The following TBC1D4 variants were observed in gnomAD, a reference collection of about 807,000 sequenced individuals.
TBC1D4 encodes the protein TBC1 domain family member 4.
In TBC1D4, 121 loss-of-function variants were observed where a neutral mutation model predicts 142.5. The observed-to-expected ratio is 0.85, with a 90% CI of 0.73 to 0.99. The LOEUF is 0.99. Ranked by LOEUF, TBC1D4 falls within the 50% of genes least tolerant of loss-of-function variation. The probability of loss-of-function intolerance (pLI) is 0.00; values close to 1 mark genes in which losing one functional copy is unlikely to be tolerated. For missense variants in TBC1D4, 1,475 were observed against 1,606.6 expected (o/e 0.92, Z 1.40); for synonymous variants, 630 against 628.2 (o/e 1.00, Z -0.04).
rs1879268323 is a variant in TBC1D4 at position 75,326,423 on chromosome 13, C to A, written c.1807G>T (p.Asp603Tyr). The change falls in exon 10 of 21, where the codon GAC becomes TAC. Residue 603 changes from aspartate (D) to tyrosine (Y), a missense_variant and splice_region_variant. Transcript: ENST00000377636. Reference sequence around the variant, plus strand: ...GGTGGAGAATCCCCTGGTGAGTAGTCCTGAAACACAAGCGGAAGGGAGCCC... The same window carrying A: ...GGTGGAGAATCCCCTGGTGAGTAGTACTGAAACACAAGCGGAAGGGAGCCC... ...ERSNSLASEK[D>Y]YSPGDSPPGT... 5 of 1,613,980 alleles carry A rather than the reference C, an allele frequency of 3.1e-6. No homozygotes were observed. Among genetic ancestry groups the A allele is most frequent in the Admixed American group, 1.7e-5 (1 of 59,996 alleles).
chr13:75,380,169 G>A (rs1193000132), intron 1 of TBC1D4, among the ~76,000 whole-genome samples: 8 of 150,238 alleles, frequency 5.3e-5, no homozygotes, highest in Admixed American at 1.3e-4. Context: ...GTGAGCCACC[G>A]CGCCTAGCCT....
chr13:75,318,367 C>G (rs1878487041), intron 12 of TBC1D4, among the ~76,000 whole-genome samples: 1 of 152,194 alleles, frequency 6.6e-6, no homozygotes, highest in Admixed American at 6.5e-5. Flanking sequence ...AAGACTCTAT[C>G]TCTGAAGTCC....
At chr13:75,341,933 G>T (rs572285669) in intron 5 of TBC1D4, among the ~76,000 whole-genome samples, 62 of 152,338 alleles carry the variant, frequency 4.1e-4, no homozygotes, top group African/African-American at 1.4e-3. Context: ...CTGCACAGTG[G>T]TTTAAAACAG....
intron 1 of TBC1D4, among the ~76,000 whole-genome samples, chr13:75,367,174 C>G (rs1472505689): frequency 6.6e-6 from 1 of 152,160 alleles, no homozygotes; most frequent in African/African-American, 2.4e-5. Flanking sequence ...GACTAAAGAG[C>G]AAAGCTTTAG....
chr13:75,290,051 C>T (rs1875126498), intron 19 of TBC1D4, among the ~76,000 whole-genome samples: 1 of 152,034 alleles, frequency 6.6e-6, no homozygotes, highest in South Asian at 2.1e-4. Flanking sequence ...GATTATTATA[C>T]AACCATTAAA....
At chr13:75,469,366 G>A (rs980915041) in intron 1 of TBC1D4, among the ~76,000 whole-genome samples, 4 of 152,134 alleles carry the variant, frequency 2.6e-5, no homozygotes, top group Non-Finnish European at 5.9e-5. Context: ...TGATGGGAGA[G>A]CAAGCTGAGA....
At chr13:75,312,435 A>AGAAAGAAG (rs1479544418) in intron 13 of TBC1D4, among the ~76,000 whole-genome samples, 2 of 151,594 alleles carry the variant, frequency 1.3e-5, no homozygotes, top group Admixed American at 6.6e-5. Flanking sequence ...AAAGAAAGAA[A>AGAAAGAAG]GAAAGAAAGA....
At chr13:75,365,435 G>A (rs1882855408) in intron 1 of TBC1D4, among the ~76,000 whole-genome samples, 1 of 151,638 alleles carries the variant, frequency 6.6e-6, no homozygotes, top group African/African-American at 2.4e-5. Context: ...GGGGCACACT[G>A]CTCATATAAG....
intron 15 of TBC1D4, among the ~76,000 whole-genome samples, chr13:75,304,152 T>C (rs1876909193): frequency 6.6e-6 from 1 of 152,242 alleles, no homozygotes; most frequent in African/African-American, 2.4e-5. Flanking sequence ...TGCTTATACA[T>C]TTGTTGAATG....
intron 8 of TBC1D4, among the ~76,000 whole-genome samples, chr13:75,334,750 A>T (rs1004438736): frequency 6.6e-6 from 1 of 151,654 alleles, no homozygotes. Flanking sequence ...CACCCGGCTC[A>T]TTTTTTTGTA....
chr13:75,460,629 AAG>A (rs1219324184), intron 1 of TBC1D4, among the ~76,000 whole-genome samples: 1 of 152,156 alleles, frequency 6.6e-6, no homozygotes, highest in East Asian at 1.9e-4. Context: ...TATAAGAAAG[AAG>A]AGAGAGAGGC....
chr13:75,469,242 G>A (rs1888294502), intron 1 of TBC1D4, among the ~76,000 whole-genome samples: 1 of 152,110 alleles, frequency 6.6e-6, no homozygotes, highest in Admixed American at 6.5e-5. Context: ...GGAGATGAAC[G>A]GGGCGGAGTC....
chr13:75,390,815 T>C (rs977051586), intron 1 of TBC1D4, among the ~76,000 whole-genome samples: 1 of 133,500 alleles, frequency 7.5e-6, no homozygotes, highest in Non-Finnish European at 1.5e-5. Context: ...TAGGTATTTG[T>C]GTGAGGATGG....
intron 15 of TBC1D4, among the ~76,000 whole-genome samples, chr13:75,305,895 T>C (rs371209715): frequency 1.1e-4 from 16 of 151,728 alleles, no homozygotes; most frequent in Middle Eastern, 3.4e-3. Context: ...TGAAAGAAAA[T>C]TGATTGATTA....
At chr13:75,424,938 A>G (rs1035592438) in intron 1 of TBC1D4, among the ~76,000 whole-genome samples, 4 of 152,298 alleles carry the variant, frequency 2.6e-5, no homozygotes, top group African/African-American at 9.6e-5. Context: ...TGATCCAAGC[A>G]GTGATTTTTT....
At chr13:75,479,995 G>A (rs1888765983) in intron 1 of TBC1D4, among the ~76,000 whole-genome samples, 1 of 149,494 alleles carries the variant, frequency 6.7e-6, no homozygotes, top group Admixed American at 6.7e-5. Flanking sequence ...TCGCACCACT[G>A]CGCTCCAGCC....
At chr13:75,342,024 C>G (rs899112114) in intron 5 of TBC1D4, among the ~76,000 whole-genome samples, 6 of 152,108 alleles carry the variant, frequency 3.9e-5, no homozygotes, top group African/African-American at 1.4e-4. Flanking sequence ...TCTTTTACAC[C>G]CTGTCTCTAC....
At position 75,286,513 on chromosome 13, in the gene TBC1D4, T is replaced by C. The variant is rs780083302; in HGVS notation, c.*279A>G. 1 of 303,212 alleles carries C rather than the reference T, an allele frequency of 3.3e-6. No individual in the cohort carries two copies. The highest frequency in any genetic ancestry group is 6.1e-6 in the Non-Finnish European group (1 of 164,036). 18.8% of individuals were successfully genotyped at this position (303,212 alleles called of 1,614,324 possible). Reference sequence around the variant, plus strand: ...TTCTGACTAAAAAAATTAATCTAAATATACATCTACTCATTTTATCTGAAA... The same window carrying C: ...TTCTGACTAAAAAAATTAATCTAAACATACATCTACTCATTTTATCTGAAA... On this transcript the variant is annotated 3_prime_UTR_variant, in exon 21 of 21. Transcript: ENST00000377636.
At chr13:75,451,944 C>A (rs1376182346) in intron 1 of TBC1D4, among the ~76,000 whole-genome samples, 3 of 151,852 alleles carry the variant, frequency 2.0e-5, no homozygotes, top group Non-Finnish European at 2.9e-5. Context: ...TATTGTACTT[C>A]AATTAATTTT....
Sources: allele counts gnomAD v4.1 joint callset (sites outside exome capture counted in the v4.1 genomes callset), GRCh38; gene constraint gnomAD v4.1.1; transcripts MANE v1.5; gene names NCBI Gene and HGNC (gene_info 2026-07-23, HGNC 2026-07-21).